HK2: variants seen among roughly 807,000 people sequenced by gnomAD.
HK2 encodes hexokinase 2, also known as hexokinase-2.
HK2 carries 42 observed loss-of-function variants against 92.9 expected under a neutral mutation model. The observed-to-expected ratio is 0.45, with a 90% CI of 0.35 to 0.58. The LOEUF (loss-of-function observed/expected upper bound fraction) is 0.58. Among genes scored for constraint, HK2 ranks in the 20% least tolerant of loss-of-function variants. The probability of loss-of-function intolerance (pLI) is 0.00; values close to 1 mark genes in which losing one functional copy is unlikely to be tolerated. For missense variants in HK2, 978 were observed against 1,245.1 expected (o/e 0.79, Z 3.23); for synonymous variants, 422 against 468.0 (o/e 0.90, Z 1.27).
At chr2:74,841,601 A>G (rs1467417840) in intron 1 of HK2, among the ~76,000 whole-genome samples, 1 of 152,154 alleles carries the variant, frequency 6.6e-6, no homozygotes, top group Admixed American at 6.5e-5. Context: ...ATGGGCTTCT[A>G]CAAAAGACGA....
intron 17 of HK2, among the ~76,000 whole-genome samples, chr2:74,890,271 G>A (rs1436807165): frequency 6.6e-6 from 1 of 152,190 alleles, no homozygotes; most frequent in Non-Finnish European, 1.5e-5. Context: ...GTCCATATAG[G>A]AAGGATCTGT....
chr2:74,869,526 C>A (rs1318269250), intron 3 of HK2, among the ~76,000 whole-genome samples: 1 of 152,196 alleles, frequency 6.6e-6, no homozygotes, highest in Non-Finnish European at 1.5e-5. Flanking sequence ...CAATGGGGGT[C>A]CTTCGGTAAA....
intron 3 of HK2, among the ~76,000 whole-genome samples, chr2:74,868,138 A>G (rs775480832): frequency 1.1e-4 from 17 of 152,132 alleles, no homozygotes; most frequent in Non-Finnish European, 2.4e-4. Context: ...CTGGGAAAGG[A>G]ATTTCTGACC....
chr2:74,848,371 C>G (rs1382807252), intron 1 of HK2, among the ~76,000 whole-genome samples: 1 of 152,216 alleles, frequency 6.6e-6, no homozygotes, highest in Non-Finnish European at 1.5e-5. Flanking sequence ...ATATTAATCA[C>G]AAAATTTACC....
At position 74,891,019 on chromosome 2, in the gene HK2, T is replaced by G; in HGVS notation, c.*78T>G. The G allele has an allele frequency of 1.3e-6, 2 of 1,532,862 alleles. No individual in the cohort carries two copies. 95.0% of individuals were successfully genotyped at this position (1,532,862 alleles called of 1,614,324 possible). A position where few individuals can be genotyped will look rare whatever the true frequency, so the allele number is the denominator to read the frequency against. On this transcript the variant is annotated 3_prime_UTR_variant, in exon 18 of 18. Coordinates refer to ENST00000290573, the MANE Select transcript of HK2 (RefSeq NM_000189.5). ...AATTATAAGATGTCATCCCCTTGTG[T>G]CAGAGACAGACCCCTTGGCTTTTGC...
At chr2:74,857,087 A>G (rs929378082) in intron 2 of HK2, among the ~76,000 whole-genome samples, 1 of 152,154 alleles carries the variant, frequency 6.6e-6, no homozygotes, top group African/African-American at 2.4e-5. Flanking sequence ...TGTCTTACTC[A>G]CTGAAACAAA....
intron 1 of HK2, among the ~76,000 whole-genome samples, chr2:74,838,242 T>C (rs894351358): frequency 6.6e-6 from 1 of 152,136 alleles, no homozygotes; most frequent in African/African-American, 2.4e-5. Context: ...ACTGGTGAGG[T>C]GCTCAGTGAG....
At chr2:74,880,926 T>C (rs1411925754) in intron 10 of HK2, among the ~76,000 whole-genome samples, 4 of 152,332 alleles carry the variant, frequency 2.6e-5, no homozygotes, top group Non-Finnish European at 5.9e-5. Flanking sequence ...TTCACACAAC[T>C]AGAAAATGTC....
Position 74,885,885 on chromosome 2 carries a change from C to CACACACACAA in HK2, c.1935+297_1935+298insCACACACAAA, listed in dbSNP as rs58908262. Among the ~76,000 whole-genome samples, 594 of 148,530 alleles carry CACACACACAA rather than the reference C, an allele frequency of 4.0e-3. 11 individuals are homozygous for CACACACACAA. Among genetic ancestry groups the CACACACACAA allele is most frequent in the African/African-American group, 0.014 (549 of 39,410 alleles). On this transcript the variant is annotated intron_variant, in intron 13 of 17. Coordinates refer to ENST00000290573, the MANE Select transcript of HK2 (RefSeq NM_000189.5). Reference sequence around the variant, plus strand: ...ACACACACACACACACACACACACACAGTAAAGGAATAAAAGAATGGCCAC... The same window carrying CACACACACAA: ...ACACACACACACACACACACACACACACACACACAAAGTAAAGGAATAAAAGAATGGCCAC...
In HK2 at chr2:74,840,891, A is replaced by C. The variant is rs1449171864; in HGVS notation, c.63+6248A>C. Reference sequence around the variant, plus strand: ...AAGACTCTGTCTCAAAAAAAAAAAAAAAAAAAAAAAAAAGCTGTGGGGGTT... The same window carrying C: ...AAGACTCTGTCTCAAAAAAAAAAAACAAAAAAAAAAAAAGCTGTGGGGGTT... On this transcript the variant is annotated intron_variant, in intron 1 of 17. Transcript: ENST00000290573. Among the ~76,000 whole-genome samples, 11 of 139,644 alleles carry C rather than the reference A, an allele frequency of 7.9e-5. 1 individual carries two copies. Among genetic ancestry groups the C allele is most frequent in the East Asian group, 3.9e-4 (2 of 5,080 alleles). The allele number at this position is 139,644 out of a possible 152,430, so 91.6% of individuals were successfully genotyped here.
chr2:74,881,172 G>A (rs1573387647), intron 10 of HK2, among the ~76,000 whole-genome samples: 1 of 152,230 alleles, frequency 6.6e-6, no homozygotes, highest in Admixed American at 6.5e-5. Context: ...ATGACCCACA[G>A]GGCCTAAAAC....
In HK2 at chr2:74,854,448, T is replaced by A. The variant is rs759907165; in HGVS notation, c.219T>A (p.Asp73Glu). The change falls in exon 2 of 18, where the codon GAT (aspartate) becomes GAA (glutamate). Residue 73 changes from aspartate to glutamate, a missense_variant. By Grantham distance (45) the Asp-to-Glu change is conservative. Around this residue, in one of 3 missense-constraint regions of HK2, gnomAD observed 189 missense variants for 289.5 expected, o/e 0.65. Transcript: ENST00000290573. ...CCACCTTTGTGAGGTCCACTCCAGATGGGACAGGTACTGCATCTGGGGGAT... is the reference window on the plus strand; with the variant it reads ...CCACCTTTGTGAGGTCCACTCCAGAAGGGACAGGTACTGCATCTGGGGGAT... ...MLPTFVRSTP[D>E]GTEHGEFLAL... The A allele has an allele frequency of 1.2e-6, 2 of 1,614,190 alleles. No individual in the cohort carries two copies. The highest frequency in any genetic ancestry group is 1.7e-6 in the Non-Finnish European group (2 of 1,180,026).
At chr2:74,852,698 A>C (rs72820070) in intron 1 of HK2, among the ~76,000 whole-genome samples, 27,185 of 152,102 alleles carry the variant, frequency 0.18, 2,977 homozygotes, top group East Asian at 0.32. Flanking sequence ...TAAAAAAAAA[A>C]AACAACAAAA....
chr2:74,873,764 G>GAGGAGT (rs1200703416), intron 5 of HK2, 80 bp from the exon 6 acceptor site: 2 of 873,560 alleles, frequency 2.3e-6, no homozygotes, highest in African/African-American at 1.7e-5. Context: ...GGAGGAGGAG[G>GAGGAGT]AGGAGTGATA....
intron 15 of HK2, among the ~76,000 whole-genome samples, chr2:74,887,493 GTA>G (rs1416715792): frequency 1.3e-5 from 2 of 152,242 alleles, no homozygotes; most frequent in East Asian, 3.9e-4. Flanking sequence ...CCAAGAGAAT[GTA>G]TACTGAATGC....
At chr2:74,873,480 G>A (rs938035359) in intron 5 of HK2, 109 bp downstream of exon 5, 2 of 744,906 alleles carry the variant, frequency 2.7e-6, no homozygotes, top group East Asian at 5.0e-5. Context: ...AGCTTAAGGA[G>A]AGTTCTCTTT....
chr2:74,882,117 C>T lies in HK2; in HGVS notation c.1720-3C>T, dbSNP rs574087680. The T allele has an allele frequency of 1.2e-5, 20 of 1,613,978 alleles. No homozygotes were observed. The South Asian group carries it at 1.9e-4, about 15-fold the overall frequency. Reference sequence around the variant, plus strand: ...CCCTCAGTGTCCTAACTTCTCCCTGCAGCTCTTTGACCACATTGTCCAGTG... The same window carrying T: ...CCCTCAGTGTCCTAACTTCTCCCTGTAGCTCTTTGACCACATTGTCCAGTG... On this transcript the variant is annotated splice_region_variant and splice_polypyrimidine_tract_variant and intron_variant, in intron 11 of 17. Transcript: ENST00000290573.
chr2:74,882,308 G>C (rs891681717), intron 12 of HK2, 69 bp downstream of exon 12: 13 of 1,608,532 alleles, frequency 8.1e-6, no homozygotes, highest in Middle Eastern at 1.7e-4. Context: ...GCCAGGTATG[G>C]AGCAGGGGAG....
At position 74,873,724 on chromosome 2, in the gene HK2, GA is replaced by G. The variant is rs200182488; in HGVS notation, c.592-119del. The G allele has an allele frequency of 6.0e-3, 4,292 of 720,930 alleles. 160 individuals carry two copies. The African/African-American group carries it at 0.071, about 12-fold the overall frequency. The allele number at this position is 720,930 out of a possible 1,614,324, so 44.7% of individuals were successfully genotyped here. ...GTCTTATCACAGGAGGAGTTATGGG[GA>G]GGGAGGGGGGAGAGAGAGAGAAGGA... On this transcript the variant is annotated intron_variant, in intron 5 of 17. Transcript: ENST00000290573.
Sources: gnomAD v4.1 joint callset for allele counts (sites outside exome capture counted in the v4.1 genomes callset) on GRCh38, gnomAD v4.1.1 for gene constraint, gnomAD v4.1.1 regional missense constraint, MANE v1.5 for transcripts, NCBI Gene and HGNC (gene_info 2026-07-23, HGNC 2026-07-21) for gene names.